The following TNN variants were observed in gnomAD, a reference collection of about 807,000 sequenced individuals.
TNN encodes the protein tenascin N.
Under a neutral mutation model 134.4 loss-of-function variants are expected in TNN, and 122 were observed. That is an observed-to-expected ratio of 0.91 (90% CI 0.78 to 1.06). TNN has a LOEUF of 1.06. TNN is among the 50% of genes least tolerant of loss of function. TNN has a pLI of 0.00. For missense variants in TNN, 1,739 were observed against 1,699.4 expected (o/e 1.02, Z -0.41); for synonymous variants, 710 against 670.3 (o/e 1.06, Z -0.91).
At chr1:175,092,542 C>A (rs75911540) in intron 6 of TNN, among the ~76,000 whole-genome samples, 9,763 of 152,202 alleles carry the variant, frequency 0.064, 607 homozygotes, top group African/African-American at 0.17. Flanking sequence ...TCACACTTTA[C>A]TTTATTTATA....
chr1:175,084,909 T>C (rs1203098090), intron 5 of TNN, among the ~76,000 whole-genome samples: 1 of 152,182 alleles, frequency 6.6e-6, no homozygotes, highest in South Asian at 2.1e-4. Flanking sequence ...GGAGGATCCC[T>C]TGAGCCCAGG....
chr1:175,081,509 C>A (rs1409159120), intron 4 of TNN, among the ~76,000 whole-genome samples: 1 of 152,148 alleles, frequency 6.6e-6, no homozygotes, highest in Non-Finnish European at 1.5e-5. Flanking sequence ...CTTTGGCATG[C>A]AGTTGTCTTT....
chr1:175,143,021 GC>G (rs1044478186), intron 17 of TNN, among the ~76,000 whole-genome samples: 2 of 152,102 alleles, frequency 1.3e-5, no homozygotes, highest in Non-Finnish European at 2.9e-5. Context: ...CGTGCAAGAA[GC>G]CCCCCATTGA....
Position 175,147,148 on chromosome 1 carries a change from G to A in TNN, c.*77G>A, listed in dbSNP as rs774333994. 1.7e-3 allele frequency: 2,342 copies of A among 1,338,658 alleles called. 5 individuals carry two copies. Among genetic ancestry groups the A allele is most frequent in the Non-Finnish European group, 2.2e-3 (2,189 of 1,016,744 alleles). 82.9% of individuals were successfully genotyped at this position (1,338,658 alleles called of 1,614,324 possible). A position where few individuals can be genotyped will look rare whatever the true frequency, so the allele number is the denominator to read the frequency against. ...GGGCGGGGTGGGTAGTGGTCACTGC[G>A]GTCTGGGAGTGCTCAGATAGCCCGC... On this transcript the variant is annotated 3_prime_UTR_variant, in exon 19 of 19. Coordinates refer to ENST00000239462, the MANE Select transcript of TNN (RefSeq NM_022093.2).
At position 175,083,614 on chromosome 1, in the gene TNN, G is replaced by A. The variant is rs1674251720; in HGVS notation, c.1049-136G>A. The A allele has an allele frequency of 5.4e-6, 4 of 740,588 alleles. No homozygotes were observed. The South Asian group carries it at 7.6e-5, about 14-fold the overall frequency. 45.9% of individuals were successfully genotyped at this position (740,588 alleles called of 1,614,324 possible). ...TTGGTAGCTCAAAGACACCTGCTAA[G>A]AACTGTGTCCTGGGGCTGAAGCCAG... On this transcript the variant is annotated intron_variant, in intron 4 of 18. Coordinates refer to ENST00000239462, the MANE Select transcript of TNN (RefSeq NM_022093.2).
In TNN at chr1:175,147,420, T is replaced by G. The variant is rs1023879722; in HGVS notation, c.*349T>G. On this transcript the variant is annotated 3_prime_UTR_variant, in exon 19 of 19. Coordinates refer to ENST00000239462, the MANE Select transcript of TNN (RefSeq NM_022093.2). ...TCTCTGGAAATTTACATCTATGTAT[T>G]TAAAGTTCTGCTAATGCAAATCTTT... The G allele has an allele frequency of 3.7e-5, 7 of 190,556 alleles. No homozygotes were observed. The highest frequency in any genetic ancestry group is 6.4e-5 in the Non-Finnish European group (6 of 93,872). The allele number at this position is 190,556 out of a possible 1,614,324, so 11.8% of individuals were successfully genotyped here.
rs774519712 is a variant in TNN at position 175,094,022 on chromosome 1, C to T, written c.1357C>T (p.Arg453Ter). 5 of 1,609,032 alleles carry T rather than the reference C, an allele frequency of 3.1e-6. No individual in the cohort carries two copies. The highest frequency in any genetic ancestry group is 1.1e-5 in the South Asian group (1 of 90,760). ...CAGTCCAACCAATGTTGTCACTGAT[C>T]GAGTGACTGAAGACACAGCAACTGT... Reference protein sequence around the residue: ...IDSPTNVVTDRVTEDTATVSW... With the variant: ...IDSPTNVVTD The change falls in exon 7 of 19, where the codon CGA becomes TGA. Residue 453 changes from arginine (R) to a stop codon, truncating the protein, a stop_gained. Coordinates refer to ENST00000239462, the MANE Select transcript of TNN (RefSeq NM_022093.2). LOFTEE classifies it high-confidence loss of function.
intron 9 of TNN, among the ~76,000 whole-genome samples, chr1:175,098,799 G>A (rs1674642869): frequency 6.6e-6 from 1 of 152,180 alleles, no homozygotes; most frequent in South Asian, 2.1e-4. Context: ...GGTCTTTAAA[G>A]ATGGCTGATC....
chr1:175,086,416 A>T (rs776131469), intron 6 of TNN, among the ~76,000 whole-genome samples: 33 of 152,200 alleles, frequency 2.2e-4, no homozygotes, highest in Non-Finnish European at 4.3e-4. Flanking sequence ...TTAGTTTTTA[A>T]ACCATGCTTG....
chr1:175,121,565 A>G (rs955903523), intron 11 of TNN, among the ~76,000 whole-genome samples: 2 of 152,234 alleles, frequency 1.3e-5, no homozygotes, highest in Non-Finnish European at 2.9e-5. Context: ...AATGGAGAAA[A>G]TGACAAGGAT....
At chr1:175,131,604 T>A (rs2101847302) in intron 15 of TNN, among the ~76,000 whole-genome samples, 1 of 152,292 alleles carries the variant, frequency 6.6e-6, no homozygotes, top group Non-Finnish European at 1.5e-5. Flanking sequence ...GTCAGTTCAT[T>A]TGGAAACTGA....
At position 175,077,483 on chromosome 1, in the gene TNN, C is replaced by T. The variant is rs560642663; in HGVS notation, c.65C>T (p.Ala22Val). The change falls in exon 2 of 19, where the codon GCT (alanine) becomes GTT (valine). Residue 22 changes from alanine to valine, a missense_variant. Transcript: ENST00000239462. ...CTGCTTGGCTCTGTGCTCCTGGTGG[C>T]TTCGGCCCCAGCCACTCTGGAGCCT... ...GLLLGSVLLV[A>V]SAPATLEPPG... 3.1e-6 allele frequency: 5 copies of T among 1,613,864 alleles called. No individual in the cohort carries two copies. The Admixed American group carries it at 8.3e-5, about 27-fold the overall frequency.
chr1:175,079,561 T>C lies in TNN; in HGVS notation c.638T>C (p.Val213Ala), dbSNP rs1048352195. 2.5e-6 allele frequency: 4 copies of C among 1,576,336 alleles called. No individual in the cohort carries two copies. The highest frequency in any genetic ancestry group is 1.4e-5 in the African/African-American group (1 of 73,966). ...AACTGCAGCGGACACGGCGAGTGCG[T>C]GCGCGGCGTGTGCCAGTGCCACGAA... ...PENCSGHGEC[V>A]RGVCQCHEDF... The change falls in exon 3 of 19, where the codon GTG becomes GCG. Residue 213 changes from valine (V) to alanine (A), a missense_variant. Physicochemically the swap from Val to Ala is moderately conservative, Grantham distance 64. Transcript: ENST00000239462.
intron 6 of TNN, among the ~76,000 whole-genome samples, chr1:175,092,034 A>G (rs1312997539): frequency 2.0e-5 from 3 of 152,182 alleles, no homozygotes; most frequent in African/African-American, 7.2e-5. Context: ...GGGGTTGTAC[A>G]GATGTGGATG....
chr1:175,095,826 G>A (rs1387449307), intron 7 of TNN, among the ~76,000 whole-genome samples: 2 of 152,092 alleles, frequency 1.3e-5, no homozygotes, highest in African/African-American at 2.4e-5. Flanking sequence ...CACCCTCCTC[G>A]GCCTCCCAAA....
At chr1:175,072,891 G>A (rs1673950360) in intron 1 of TNN, among the ~76,000 whole-genome samples, 1 of 150,502 alleles carries the variant, frequency 6.6e-6, no homozygotes, top group African/African-American at 2.4e-5. Context: ...TGGGCTCTGG[G>A]CAGCCTTACT....
chr1:175,073,723 C>T (rs1673972126), intron 1 of TNN, among the ~76,000 whole-genome samples: 1 of 152,182 alleles, frequency 6.6e-6, no homozygotes, highest in Non-Finnish European at 1.5e-5. Flanking sequence ...GGAGAGGGCA[C>T]TTTTACTTTA....
At chr1:175,132,327 A>T (rs1351161369) in intron 15 of TNN, among the ~76,000 whole-genome samples, 1 of 152,032 alleles carries the variant, frequency 6.6e-6, no homozygotes, top group African/African-American at 2.4e-5. Context: ...TAGCTGTAGG[A>T]CTCTGGATAC....
intron 15 of TNN, among the ~76,000 whole-genome samples, chr1:175,132,020 C>T (rs931085391): frequency 6.6e-6 from 1 of 151,136 alleles, no homozygotes; most frequent in Non-Finnish European, 1.5e-5. Flanking sequence ...AGACCAAATA[C>T]CTTTGTAATG....
Sources: gnomAD v4.1 joint callset for allele counts (sites outside exome capture counted in the v4.1 genomes callset) on GRCh38, gnomAD v4.1.1 for gene constraint, MANE v1.5 for transcripts, NCBI Gene and HGNC (gene_info 2026-07-23, HGNC 2026-07-21) for gene names.